The following TMEM38A variants were observed in gnomAD, a reference collection of about 807,000 sequenced individuals.
TMEM38A encodes the protein transmembrane protein 38A.
Under a neutral mutation model 28.6 loss-of-function variants are expected in TMEM38A, and 17 were observed. That is an observed-to-expected ratio of 0.60 (90% CI 0.41 to 0.89). TMEM38A has a LOEUF of 0.89. Ranked by LOEUF, TMEM38A falls within the 40% of genes least tolerant of loss-of-function variation. The pLI, the probability that TMEM38A is intolerant of heterozygous loss-of-function variation, is 0.00. For synonymous variants in TMEM38A, 169 were observed against 166.1 expected (o/e 1.02, Z -0.14); for missense variants, 328 against 393.1 (o/e 0.83, Z 1.40).
At position 16,671,645 on chromosome 19, in the gene TMEM38A, G is replaced by C. The variant is rs138190832; in HGVS notation, c.125-8339G>C. On this transcript the variant is annotated intron_variant, in intron 1 of 5. Coordinates refer to ENST00000187762, the MANE Select transcript of TMEM38A (RefSeq NM_024074.4). ...AGGTTTTGCCATGTTGCCCAGGCTGGTCTTGAACTCCTGAGCTCAAGTGAT... is the reference window on the plus strand; with the variant it reads ...AGGTTTTGCCATGTTGCCCAGGCTGCTCTTGAACTCCTGAGCTCAAGTGAT... Among the ~76,000 whole-genome samples, 522 of 152,086 alleles carry C rather than the reference G, an allele frequency of 3.4e-3. 4 individuals carry two copies. The highest frequency in any genetic ancestry group is 5.6e-3 in the Non-Finnish European group (378 of 67,998).
chr19:16,688,339 T>C lies in TMEM38A; in HGVS notation c.868T>C (p.Ser290Pro). ...GTCCAAGGAGGAGTTGAGCGAGGGC[T>C]CCAGGAAGAAGAAGGCCAAGAAGGC... The part of the protein sequence containing the change: ...AKSKEELSEG[S>P]RKKKAKKAD The change falls in exon 6 of 6, where the codon TCC becomes CCC. Residue 290 changes from serine to proline, a missense_variant. Ser to Pro is a moderately conservative substitution (Grantham distance 74). Transcript: ENST00000187762. The C allele has an allele frequency of 6.2e-7, 1 of 1,602,660 alleles. No individual in the cohort carries two copies. The highest frequency in any genetic ancestry group is 8.5e-7 in the Non-Finnish European group (1 of 1,175,226).
intron 1 of TMEM38A, among the ~76,000 whole-genome samples, chr19:16,678,531 A>G (rs1373157864): frequency 2.0e-5 from 3 of 151,802 alleles, no homozygotes; most frequent in Non-Finnish European, 4.4e-5. Flanking sequence ...AAGCTGAGCC[A>G]GGTGGATGGC....
At chr19:16,664,973 C>T (rs1430108986) in intron 1 of TMEM38A, among the ~76,000 whole-genome samples, 1 of 152,090 alleles carries the variant, frequency 6.6e-6, no homozygotes, top group East Asian at 1.9e-4. Context: ...CCAGCCTGGG[C>T]AACATTGTGA....
chr19:16,673,521 G>A lies in TMEM38A; in HGVS notation c.125-6463G>A, dbSNP rs114181001. 3.2e-3 allele frequency among the ~76,000 whole-genome samples: 481 copies of A among 152,276 alleles called. 6 individuals are homozygous for A. Among genetic ancestry groups the A allele is most frequent in the African/African-American group, 0.011 (460 of 41,550 alleles). Reference sequence around the variant, plus strand: ...CTCTAAGTCTTTGTTTATGGTGCTTGTTTCTTTGGGGTTAATAGCAAGGAG... The same window carrying A: ...CTCTAAGTCTTTGTTTATGGTGCTTATTTCTTTGGGGTTAATAGCAAGGAG... On this transcript the variant is annotated intron_variant, in intron 1 of 5. Transcript: ENST00000187762.
intron 1 of TMEM38A, among the ~76,000 whole-genome samples, chr19:16,667,368 T>C (rs1354985244): frequency 6.6e-6 from 1 of 151,928 alleles, no homozygotes; most frequent in Non-Finnish European, 1.5e-5. Context: ...CTGCGGGTGA[T>C]TTGGCTCATT....
chr19:16,663,350 G>A (rs1229521560), intron 1 of TMEM38A, among the ~76,000 whole-genome samples: 1 of 151,816 alleles, frequency 6.6e-6, no homozygotes, highest in South Asian at 2.1e-4. Flanking sequence ...AATGTCTTGA[G>A]AAAAGAGGTC....
chr19:16,680,714 C>A, intron 3 of TMEM38A, 133 bp downstream of exon 3: 1 of 797,440 alleles, frequency 1.3e-6, no homozygotes, highest in Non-Finnish European at 2.0e-6. Flanking sequence ...GTGTTCAAAC[C>A]TCCCTACAGG....
chr19:16,661,354 G>C lies in TMEM38A; in HGVS notation c.124+13G>C. On this transcript the variant is annotated intron_variant, in intron 1 of 5. Coordinates refer to ENST00000187762, the MANE Select transcript of TMEM38A (RefSeq NM_024074.4). This position sits in a 1 kb window ranked among gnomAD's most constrained non-coding sequence, Gnocchi z 6.5. ...AAGTATGAGCCAGGTGAGCCGGGGCGGGGGGCTGGAGGGGACCGGCAGCGG... is the reference window on the plus strand; with the variant it reads ...AAGTATGAGCCAGGTGAGCCGGGGCCGGGGGCTGGAGGGGACCGGCAGCGG... 8 of 1,582,420 alleles carry C rather than the reference G, an allele frequency of 5.1e-6. No individual in the cohort carries two copies. The highest frequency in any genetic ancestry group is 6.9e-6 in the Non-Finnish European group (8 of 1,163,920).
intron 1 of TMEM38A, among the ~76,000 whole-genome samples, chr19:16,667,333 ATGAGAG>A (rs1211285673): frequency 1.3e-5 from 2 of 152,054 alleles, no homozygotes; most frequent in Non-Finnish European, 2.9e-5. Flanking sequence ...GCTCTGCCCA[ATGAGAG>A]TCTGTATTTG....
intron 4 of TMEM38A, among the ~76,000 whole-genome samples, chr19:16,683,958 G>A (rs1216775020): frequency 7.6e-6 from 1 of 132,064 alleles, no homozygotes; most frequent in Non-Finnish European, 1.5e-5. Context: ...CAGCAAGAGC[G>A]AAATTCCATC....
In TMEM38A at chr19:16,682,408, C is replaced by G. The variant is rs370629581; in HGVS notation, c.467-13C>G. The G allele has an allele frequency of 1.5e-5, 24 of 1,613,452 alleles. No homozygotes were observed. The highest frequency in any genetic ancestry group is 1.9e-5 in the Non-Finnish European group (23 of 1,179,698). Reference sequence around the variant, plus strand: ...GGGGTGGTGGGCTTGTTCAGAAGCACCCTGTCCTGTAGGTTCTGGTGTCGC... The same window carrying G: ...GGGGTGGTGGGCTTGTTCAGAAGCAGCCTGTCCTGTAGGTTCTGGTGTCGC... On this transcript the variant is annotated splice_polypyrimidine_tract_variant and intron_variant, in intron 3 of 5. Coordinates refer to ENST00000187762, the MANE Select transcript of TMEM38A (RefSeq NM_024074.4).
rs1196366077 is a variant in TMEM38A at position 16,688,997 on chromosome 19, C to A, written c.*626C>A. 1.3e-5 allele frequency: 1 copy of A among 79,168 alleles called. No homozygotes were observed. Among genetic ancestry groups the A allele is most frequent in the African/African-American group, 4.9e-5 (1 of 20,250 alleles). 4.9% of individuals were successfully genotyped at this position (79,168 alleles called of 1,614,324 possible). On this transcript the variant is annotated 3_prime_UTR_variant, in exon 6 of 6. Coordinates refer to ENST00000187762, the MANE Select transcript of TMEM38A (RefSeq NM_024074.4). ...AATAAGACCTGTCTCCAGCAAGACCCTGTCTCAAAAAAAAAAAAAAAAATT... is the reference window on the plus strand; with the variant it reads ...AATAAGACCTGTCTCCAGCAAGACCATGTCTCAAAAAAAAAAAAAAAAATT...
chr19:16,669,930 A>AT (rs2086719271), intron 1 of TMEM38A, among the ~76,000 whole-genome samples: 2 of 151,860 alleles, frequency 1.3e-5, no homozygotes, highest in South Asian at 4.2e-4. Context: ...GGCAGAGCTG[A>AT]TTTTTTTCTG....
rs111942488 is a variant in TMEM38A, at chr19:16,661,763, A to T, written c.124+422A>T. Among the ~76,000 whole-genome samples, 2,319 of 121,168 alleles carry T rather than the reference A, an allele frequency of 0.019. 56 individuals are homozygous for T. Among genetic ancestry groups the T allele is most frequent in the African/African-American group, 0.12 (2,178 of 17,444 alleles). The allele number at this position is 121,168 out of a possible 152,430, so 79.5% of individuals were successfully genotyped here. A position where few individuals can be genotyped will look rare whatever the true frequency, so the allele number is the denominator to read the frequency against. ...GCACGCGGATTGAGAGCGCCAGCGG[A>T]GTGTCTATAAGGGCCACTGCGCTGG... On this transcript the variant is annotated intron_variant, in intron 1 of 5. Coordinates refer to ENST00000187762, the MANE Select transcript of TMEM38A (RefSeq NM_024074.4). This position sits in a 1 kb window ranked among gnomAD's most constrained non-coding sequence, Gnocchi z 6.5.
At chr19:16,670,443 G>A (rs1190560612) in intron 1 of TMEM38A, among the ~76,000 whole-genome samples, 1 of 152,088 alleles carries the variant, frequency 6.6e-6, no homozygotes, top group African/African-American at 2.4e-5. Context: ...CCCAGCCGAG[G>A]CAGAGCTGAT....
chr19:16,680,015 C>A lies in TMEM38A; in HGVS notation c.156C>A (p.Ile52=). 8 of 1,609,470 alleles carry A rather than the reference C, an allele frequency of 5.0e-6. No individual in the cohort carries two copies. The highest frequency in any genetic ancestry group is 6.8e-6 in the Non-Finnish European group (8 of 1,179,928). Residue 52 remains isoleucine, a synonymous_variant, in exon 2 of 6, where the codon ATC becomes ATA. Transcript: ENST00000187762. ...GAVELSRRHP[I]ASWLCAMLHC... is the part of the protein sequence containing the mutation. ...TCGAACTGTCCCGGCGCCACCCCAT[C>A]GCGTCCTGGCTGTGCGCCATGCTGC...
chr19:16,687,333 AAAAC>A (rs1002550054), intron 5 of TMEM38A, among the ~76,000 whole-genome samples: 3 of 152,224 alleles, frequency 2.0e-5, no homozygotes, highest in South Asian at 4.1e-4. Flanking sequence ...CTCTGTCTCA[AAAAC>A]AAACAAACAG....
rs778592406 is a variant in TMEM38A, at chr19:16,675,544, AT to A, written c.125-4419del. ...TCACCACGCCTGGCCTCTCTTGACT[AT>A]TTTTTTTTTTTTTTTTTTTTAGAGA... On this transcript the variant is annotated intron_variant, in intron 1 of 5. Transcript: ENST00000187762. 7.1e-3 allele frequency among the ~76,000 whole-genome samples: 633 copies of A among 89,754 alleles called. 2 individuals are homozygous for A. The highest frequency in any genetic ancestry group is 0.017 in the African/African-American group (404 of 23,724). The allele number at this position is 89,754 out of a possible 152,430, so 58.9% of individuals were successfully genotyped here. A position where few individuals can be genotyped will look rare whatever the true frequency, so the allele number is the denominator to read the frequency against.
chr19:16,663,534 C>T (rs58877793), intron 1 of TMEM38A, among the ~76,000 whole-genome samples: 34 of 143,580 alleles, frequency 2.4e-4, no homozygotes, highest in Non-Finnish European at 4.1e-4. Flanking sequence ...TTTTTCTTTT[C>T]TTTTTTTTTT....
Sources: gnomAD v4.1 joint callset for allele counts (sites outside exome capture counted in the v4.1 genomes callset) on GRCh38, gnomAD v4.1.1 for gene constraint, Gnocchi (gnomAD v3.1) non-coding constraint, MANE v1.5 for transcripts, NCBI Gene and HGNC (gene_info 2026-07-23, HGNC 2026-07-21) for gene names.